Variants in VPS45 observed in about 807,000 individuals in gnomAD.
VPS45 encodes vacuolar protein sorting 45 homolog.
A neutral mutation model predicts 75.9 loss-of-function variants in VPS45; 35 were observed. The observed-to-expected ratio is 0.46, with a 90% CI of 0.35 to 0.61. The LOEUF (loss-of-function observed/expected upper bound fraction) is 0.61. Ranked by LOEUF, VPS45 falls within the 20% of genes least tolerant of loss-of-function variation. The pLI is 0.00. For missense variants in VPS45, 559 were observed against 685.9 expected (o/e 0.81, Z 2.07); for synonymous variants, 220 against 238.2 (o/e 0.92, Z 0.70).
At chr1:150,093,440 G>A in intron 12 of VPS45, 87 bp from the exon 13 acceptor site, 2 of 1,456,086 alleles carry the variant, frequency 1.4e-6, no homozygotes, top group Non-Finnish European at 1.9e-6. Context: ...TCTATTGAGT[G>A]TATGTCCTTT....
At chr1:150,124,098 A>C (rs1307643914) in intron 14 of VPS45, among the ~76,000 whole-genome samples, 2 of 152,190 alleles carry the variant, frequency 1.3e-5, no homozygotes, top group African/African-American at 2.4e-5. Flanking sequence ...TAGCAAAGAC[A>C]GATAGTGCTG....
intron 14 of VPS45, among the ~76,000 whole-genome samples, chr1:150,142,582 A>G (rs1659446168): frequency 2.6e-5 from 4 of 152,230 alleles, no homozygotes; most frequent in African/African-American, 7.2e-5. Flanking sequence ...AATGGTAATA[A>G]CTGGTCATTC....
chr1:150,078,491 C>T (rs1214948663), intron 7 of VPS45, among the ~76,000 whole-genome samples: 2 of 152,074 alleles, frequency 1.3e-5, no homozygotes, highest in Non-Finnish European at 2.9e-5. Context: ...CGGGCACGGT[C>T]GCTCACGCCT....
At chr1:150,136,554 TCAAA>T (rs1333630844) in intron 14 of VPS45, among the ~76,000 whole-genome samples, 4 of 151,916 alleles carry the variant, frequency 2.6e-5, no homozygotes, top group African/African-American at 7.2e-5. Context: ...AAACTCCATC[TCAAA>T]CAAACAAACA....
chr1:150,134,174 A>G (rs1349715747), intron 14 of VPS45, among the ~76,000 whole-genome samples: 4 of 152,206 alleles, frequency 2.6e-5, no homozygotes, highest in Non-Finnish European at 5.9e-5. Context: ...GTATTCCAAG[A>G]CTTATTATAT....
chr1:150,085,348 G>T (rs1466557387), intron 10 of VPS45, among the ~76,000 whole-genome samples: 1 of 152,086 alleles, frequency 6.6e-6, no homozygotes, highest in African/African-American at 2.4e-5. Flanking sequence ...AAAGCAATTA[G>T]AAAAAGTTCT....
chr1:150,091,847 A>G, intron 10 of VPS45, 90 bp from the exon 11 acceptor site: 2 of 1,196,112 alleles, frequency 1.7e-6, no homozygotes, highest in Non-Finnish European at 2.4e-6. Context: ...GTGATGTATC[A>G]CTACCATTCA....
intron 7 of VPS45, 97 bp downstream of exon 7, chr1:150,077,876 T>G: frequency 2.0e-6 from 2 of 980,966 alleles, no homozygotes; most frequent in Non-Finnish European, 3.1e-6. Flanking sequence ...TTTATTTGCC[T>G]CCTTATTTTT....
chr1:150,135,564 C>G (rs1659031841), intron 14 of VPS45, among the ~76,000 whole-genome samples: 1 of 151,812 alleles, frequency 6.6e-6, no homozygotes, highest in Non-Finnish European at 1.5e-5. Context: ...CTGGGCCTGG[C>G]CAGTTATGCA....
chr1:150,130,227 A>G (rs75272397), intron 14 of VPS45, among the ~76,000 whole-genome samples: 2,790 of 112,588 alleles, frequency 0.025, 85 homozygotes, highest in African/African-American at 0.086. Flanking sequence ...TTGAGAGACA[A>G]GGCCTTGCTC....
intron 14 of VPS45, among the ~76,000 whole-genome samples, chr1:150,116,461 C>T (rs1438827098): frequency 1.3e-5 from 2 of 152,058 alleles, no homozygotes; most frequent in Non-Finnish European, 2.9e-5. Flanking sequence ...CTATTATTAT[C>T]TTTATATATG....
At chr1:150,080,268 C>T (rs145128866) in intron 7 of VPS45, among the ~76,000 whole-genome samples, 163 of 152,124 alleles carry the variant, frequency 1.1e-3, no homozygotes, top group African/African-American at 3.5e-3. Context: ...CCTCAGCCTC[C>T]TGAGTAGCTT....
At chr1:150,140,940 T>C (rs1659362889) in intron 14 of VPS45, among the ~76,000 whole-genome samples, 1 of 152,212 alleles carries the variant, frequency 6.6e-6, no homozygotes, top group South Asian at 2.1e-4. Context: ...TTTTTAAAGA[T>C]GCATAGTTCC....
chr1:150,126,449 G>A (rs1300705933), intron 14 of VPS45, among the ~76,000 whole-genome samples: 1 of 151,908 alleles, frequency 6.6e-6, no homozygotes. Context: ...TCCTGACCTC[G>A]TGATCCGCCC....
At chr1:150,114,607 G>A (rs1474615676) in intron 14 of VPS45, among the ~76,000 whole-genome samples, 2 of 148,998 alleles carry the variant, frequency 1.3e-5, no homozygotes, top group African/African-American at 2.5e-5. Context: ...AAAATTAGCT[G>A]GGCATGGACT....
intron 13 of VPS45, among the ~76,000 whole-genome samples, chr1:150,107,099 G>A (rs1571873819): frequency 6.6e-6 from 1 of 152,002 alleles, no homozygotes; most frequent in African/African-American, 2.4e-5. Context: ...TTGTTTTTTA[G>A]TTATTAGGGA....
intron 13 of VPS45, among the ~76,000 whole-genome samples, chr1:150,102,235 CAAAA>C (rs1208831311): frequency 1.1e-5 from 1 of 94,706 alleles, no homozygotes. Flanking sequence ...GAGACTCCGT[CAAAA>C]AAAAAAAAAA....
chr1:150,081,565 G>A, intron 8 of VPS45, 89 bp downstream of exon 8: 2 of 1,427,688 alleles, frequency 1.4e-6, no homozygotes. Context: ...GCAGGCATGG[G>A]ATTTCATGTG....
At chr1:150,102,190 A>G (rs1657066335) in intron 13 of VPS45, among the ~76,000 whole-genome samples, 1 of 135,348 alleles carries the variant, frequency 7.4e-6, no homozygotes, top group South Asian at 2.4e-4. Flanking sequence ...ATGAGCCGAG[A>G]TTGCTCCACT....
Sources: gnomAD v4.1 joint callset for allele counts (sites outside exome capture counted in the v4.1 genomes callset) on GRCh38, gnomAD v4.1.1 for gene constraint, MANE v1.5 for transcripts, NCBI Gene and HGNC (gene_info 2026-07-23, HGNC 2026-07-21) for gene names.